CORIN: variants seen among roughly 807,000 people sequenced by gnomAD.
The protein encoded by CORIN is corin, serine peptidase.
CORIN carries 117 observed loss-of-function variants against 125.3 expected under a neutral mutation model. That is an observed-to-expected ratio of 0.93 (90% CI 0.80 to 1.09). The LOEUF is 1.09. Ranked by LOEUF, CORIN falls within the 50% of genes least tolerant of loss-of-function variation. The pLI is 0.00. For synonymous variants in CORIN, 450 were observed against 466.4 expected, an observed-to-expected ratio of 0.96 and a Z score of 0.45; for missense variants, 1,253 against 1,306.7, an observed-to-expected ratio of 0.96 and a Z score of 0.63.
At chr4:47,781,924 C>G (rs1174755817) in intron 3 of CORIN, among the ~76,000 whole-genome samples, 1 of 151,556 alleles carries the variant, frequency 6.6e-6, no homozygotes, top group African/African-American at 2.4e-5. Context: ...GGCAACAGAG[C>G]AAGACTCCAT....
chr4:47,798,572 C>A (rs1731395695), intron 2 of CORIN, among the ~76,000 whole-genome samples: 1 of 152,122 alleles, frequency 6.6e-6, no homozygotes, highest in Non-Finnish European at 1.5e-5. Flanking sequence ...CTCATTACAA[C>A]AACAAACATC....
intron 5 of CORIN, among the ~76,000 whole-genome samples, chr4:47,723,074 C>A (rs1461586537): frequency 1.3e-5 from 2 of 152,164 alleles, no homozygotes; most frequent in Non-Finnish European, 2.9e-5. Flanking sequence ...GACGGGGAGT[C>A]CCCTGAGACA....
intron 5 of CORIN, among the ~76,000 whole-genome samples, chr4:47,731,331 G>C (rs1437667960): frequency 6.6e-6 from 1 of 152,186 alleles, no homozygotes; most frequent in South Asian, 2.1e-4. Flanking sequence ...TGCAGGTCCA[G>C]AGGTCAGAGG....
chr4:47,613,069 G>A (rs1721930941), intron 19 of CORIN, among the ~76,000 whole-genome samples: 1 of 152,232 alleles, frequency 6.6e-6, no homozygotes, highest in South Asian at 2.1e-4. Flanking sequence ...AGTTGGGAGA[G>A]TTTAAGTGCC....
intron 21 of CORIN, among the ~76,000 whole-genome samples, chr4:47,596,582 T>C (rs537237868): frequency 2.0e-5 from 3 of 152,316 alleles, no homozygotes; most frequent in East Asian, 1.9e-4. Context: ...CCCCCAAATA[T>C]AGTTAATGAT....
chr4:47,823,841 C>G (rs1330741742), intron 1 of CORIN, among the ~76,000 whole-genome samples: 1 of 152,204 alleles, frequency 6.6e-6, no homozygotes, highest in African/African-American at 2.4e-5. Flanking sequence ...TGCCCTGGCT[C>G]TCCTATGCAT....
At chr4:47,603,833 G>T (rs1266959289) in intron 19 of CORIN, among the ~76,000 whole-genome samples, 165 bp from the exon 20 acceptor site, 2 of 152,156 alleles carry the variant, frequency 1.3e-5, no homozygotes, top group African/African-American at 4.8e-5. Flanking sequence ...TGAGTGATTA[G>T]CAAGTAAGTA....
At chr4:47,784,990 T>C (rs367738914) in intron 3 of CORIN, among the ~76,000 whole-genome samples, 1 of 152,204 alleles carries the variant, frequency 6.6e-6, no homozygotes, top group African/African-American at 2.4e-5. Context: ...TATACTATGA[T>C]AGCTAAAAGT....
At chr4:47,600,976 T>C (rs1366796517) in intron 20 of CORIN, among the ~76,000 whole-genome samples, 1 of 152,232 alleles carries the variant, frequency 6.6e-6, no homozygotes, top group African/African-American at 2.4e-5. Context: ...TGACAATGGA[T>C]TTCTTGAAGC....
At chr4:47,747,111 C>A (rs1174401688) in intron 4 of CORIN, among the ~76,000 whole-genome samples, 1 of 152,068 alleles carries the variant, frequency 6.6e-6, no homozygotes, top group Non-Finnish European at 1.5e-5. Context: ...CTTGTGATCA[C>A]CCCGATGCCA....
At chr4:47,809,087 A>G (rs558775862) in intron 1 of CORIN, among the ~76,000 whole-genome samples, 4 of 152,346 alleles carry the variant, frequency 2.6e-5, no homozygotes, top group African/African-American at 9.6e-5. Flanking sequence ...CATAATTCTG[A>G]GAAAAGTACC....
At chr4:47,733,774 G>T (rs113989317) in intron 5 of CORIN, among the ~76,000 whole-genome samples, 1 of 152,148 alleles carries the variant, frequency 6.6e-6, no homozygotes, top group African/African-American at 2.4e-5. Flanking sequence ...TATCACTTTA[G>T]CACATTATTT....
intron 5 of CORIN, among the ~76,000 whole-genome samples, chr4:47,723,688 A>G (rs1463644730): frequency 1.3e-5 from 2 of 152,168 alleles, no homozygotes; most frequent in Non-Finnish European, 2.9e-5. Flanking sequence ...ATAAGTTAAA[A>G]TTAATTAACA....
At chr4:47,785,665 G>T (rs1315784773) in intron 3 of CORIN, among the ~76,000 whole-genome samples, 1 of 152,172 alleles carries the variant, frequency 6.6e-6, no homozygotes, top group African/African-American at 2.4e-5. Context: ...TGTAATCCCA[G>T]CACTTTGGGA....
At position 47,816,495 on chromosome 4, in the gene CORIN, C is replaced by A. The variant is rs116040618; in HGVS notation, c.64-9448G>T. ...AAGATGAAGAAAACATAGTCCCTGT[C>A]CTCAAGGAGTTAACAGCCTACCTCC... On this transcript the variant is annotated intron_variant, in intron 1 of 21. Transcript: ENST00000273857. Among the ~76,000 whole-genome samples, 1,222 of 152,272 alleles carry A rather than the reference C, an allele frequency of 8.0e-3. 13 individuals are homozygous for A. Among genetic ancestry groups the A allele is most frequent in the African/African-American group, 0.028 (1,153 of 41,548 alleles).
chr4:47,670,263 T>C (rs4695266), intron 10 of CORIN, among the ~76,000 whole-genome samples: 1,908 of 152,340 alleles, frequency 0.013, 51 homozygotes, highest in African/African-American at 0.044. Flanking sequence ...AGATGCTCCA[T>C]GTCTTCATTC....
intron 5 of CORIN, among the ~76,000 whole-genome samples, chr4:47,699,191 CAG>C (rs201392824): frequency 0.013 from 1,961 of 152,256 alleles, 19 homozygotes; most frequent in Non-Finnish European, 0.02. Context: ...CTTTTGAAAA[CAG>C]AGTATCATCC....
At chr4:47,600,746 C>G (rs986381576) in intron 20 of CORIN, among the ~76,000 whole-genome samples, 1 of 152,178 alleles carries the variant, frequency 6.6e-6, no homozygotes, top group Non-Finnish European at 1.5e-5. Context: ...TAGTCCTGCT[C>G]TGCTAAAGTA....
chr4:47,758,256 CA>C (rs1729284333), intron 4 of CORIN, among the ~76,000 whole-genome samples: 1 of 151,652 alleles, frequency 6.6e-6, no homozygotes, highest in African/African-American at 2.4e-5. Context: ...ACAATAGCTA[CA>C]AAAAACACTT....
Sources: gnomAD v4.1 joint callset for allele counts (sites outside exome capture counted in the v4.1 genomes callset) on GRCh38, gnomAD v4.1.1 for gene constraint, MANE v1.5 for transcripts, NCBI Gene and HGNC (gene_info 2026-07-23, HGNC 2026-07-21) for gene names.